Variants in CSMD3 observed in about 807,000 individuals in gnomAD.
CSMD3 encodes CUB and Sushi multiple domains 3.
Under a neutral mutation model 435.2 loss-of-function variants are expected in CSMD3, and 177 were observed. The observed-to-expected ratio is 0.41, with a 90% CI of 0.36 to 0.46. CSMD3 has a LOEUF of 0.46. Ranked by LOEUF, CSMD3 falls within the 20% of genes least tolerant of loss-of-function variation. The pLI, the probability that CSMD3 is intolerant of heterozygous loss-of-function variation, is 0.34. For synonymous variants in CSMD3, 1,656 were observed against 1,520.5 expected (o/e 1.09, Z -2.07); for missense variants, 4,265 against 4,504.6 (o/e 0.95, Z 1.52).
chr8:112,776,171 A>G (rs1286984646), intron 13 of CSMD3, among the ~76,000 whole-genome samples: 4 of 151,826 alleles, frequency 2.6e-5, no homozygotes, highest in Non-Finnish European at 5.9e-5. Context: ...GGGAAACATA[A>G]CAGCCGTATC....
At chr8:112,837,930 CA>C (rs2080075434) in intron 11 of CSMD3, among the ~76,000 whole-genome samples, 1 of 151,782 alleles carries the variant, frequency 6.6e-6, no homozygotes, top group African/African-American at 2.4e-5. Flanking sequence ...CCACGTTACA[CA>C]ATCAACTTGA....
chr8:112,287,452 T>C (rs1819319177), intron 57 of CSMD3, among the ~76,000 whole-genome samples: 1 of 152,080 alleles, frequency 6.6e-6, no homozygotes, highest in Non-Finnish European at 1.5e-5. Context: ...GAGTACAGTG[T>C]TACTTTTTTA....
intron 3 of CSMD3, among the ~76,000 whole-genome samples, chr8:113,213,346 G>T (rs1308291724): frequency 2.0e-5 from 3 of 152,048 alleles, no homozygotes; most frequent in African/African-American, 7.2e-5. Flanking sequence ...AGTGTAATTT[G>T]TACCTTTACT....
intron 38 of CSMD3, among the ~76,000 whole-genome samples, chr8:112,369,945 A>G (rs1226222597): frequency 4.1e-5 from 5 of 123,396 alleles, no homozygotes; most frequent in African/African-American, 1.1e-4. Flanking sequence ...AAGAAGAAGA[A>G]GAGGGGGAGG....
At chr8:112,941,576 T>G (rs1304986460) in intron 9 of CSMD3, among the ~76,000 whole-genome samples, 1 of 151,774 alleles carries the variant, frequency 6.6e-6, no homozygotes, top group Non-Finnish European at 1.5e-5. Flanking sequence ...TTGAAATATC[T>G]CTTTTATCCC....
At chr8:113,055,183 C>G (rs1454320139) in intron 5 of CSMD3, among the ~76,000 whole-genome samples, 1 of 152,172 alleles carries the variant, frequency 6.6e-6, no homozygotes, top group Admixed American at 6.5e-5. Context: ...AAAAGTCTCA[C>G]TCTGTCGCCC....
chr8:113,277,130 C>T (rs1035989929), intron 3 of CSMD3, among the ~76,000 whole-genome samples: 1 of 151,858 alleles, frequency 6.6e-6, no homozygotes, highest in Non-Finnish European at 1.5e-5. Context: ...TTATTAAGAG[C>T]GCTTAGCACA....
intron 10 of CSMD3, among the ~76,000 whole-genome samples, chr8:112,892,279 C>T (rs563084131): frequency 1.3e-5 from 2 of 150,928 alleles, no homozygotes; most frequent in South Asian, 4.2e-4. Context: ...AAAATTGTTC[C>T]TTTTTTTTCA....
At chr8:112,897,684 CTCTCTCTCTCTGTGTGTGTG>C (rs2081987827) in intron 10 of CSMD3, among the ~76,000 whole-genome samples, 3 of 87,658 alleles carry the variant, frequency 3.4e-5, no homozygotes, top group African/African-American at 1.2e-4. Flanking sequence ...CTCTCTCTCT[CTCTCTCTCTCTGTGTGTGTG>C]TGTGTGTGTG....
At position 112,974,369 on chromosome 8, in the gene CSMD3, T is replaced by C. The variant is rs183729343; in HGVS notation, c.1342+1468A>G. Among the ~76,000 whole-genome samples the C allele has an allele frequency of 6.6e-3, 1,006 of 152,040 alleles. 10 individuals are homozygous for C. The highest frequency in any genetic ancestry group is 0.023 in the African/African-American group (964 of 41,544). ...ATTGTATTATTAGTTGGTTTTACAA[T>C]AAACTTATGTCAGAAATTATCCTCC... is the stretch of plus-strand genomic sequence containing the variant. On this transcript the variant is annotated intron_variant, in intron 7 of 70. Coordinates refer to ENST00000297405, the MANE Select transcript of CSMD3 (RefSeq NM_198123.2).
At chr8:112,652,307 AG>A (rs565272831) in intron 18 of CSMD3, among the ~76,000 whole-genome samples, 27 of 152,224 alleles carry the variant, frequency 1.8e-4, no homozygotes, top group Admixed American at 3.3e-4. Flanking sequence ...TTAACAGAAA[AG>A]TTTAGACCCC....
chr8:113,278,852 T>C, intron 2 of CSMD3, 148 bp from the exon 3 acceptor site: 2 of 603,582 alleles, frequency 3.3e-6, no homozygotes, highest in South Asian at 3.5e-5. Context: ...ACACCTTGAT[T>C]TCAGCCCAGT....
At chr8:112,679,791 G>T (rs767802260) in intron 16 of CSMD3, among the ~76,000 whole-genome samples, 2 of 152,134 alleles carry the variant, frequency 1.3e-5, no homozygotes, top group East Asian at 3.9e-4. Flanking sequence ...AGTGGTCTCT[G>T]TATGTGTCGA....
chr8:113,223,722 G>A (rs2092995458), intron 3 of CSMD3, among the ~76,000 whole-genome samples: 1 of 146,718 alleles, frequency 6.8e-6, no homozygotes, highest in African/African-American at 2.5e-5. Context: ...ACTTTTTAAG[G>A]CAAAATCCTA....
chr8:112,518,623 T>TGA (rs1823937114), intron 27 of CSMD3, among the ~76,000 whole-genome samples: 1 of 130,560 alleles, frequency 7.7e-6, no homozygotes, highest in African/African-American at 2.6e-5. Flanking sequence ...TGTGTGTGTG[T>TGA]GTGTGTGAGA....
At chr8:112,463,098 C>T (rs1817617339) in intron 32 of CSMD3, among the ~76,000 whole-genome samples, 1 of 152,202 alleles carries the variant, frequency 6.6e-6, no homozygotes, top group Non-Finnish European at 1.5e-5. Flanking sequence ...TGGCTCCCAC[C>T]TGTAATCCCA....
intron 32 of CSMD3, among the ~76,000 whole-genome samples, chr8:112,453,942 A>C (rs1816559137): frequency 6.6e-6 from 1 of 152,058 alleles, no homozygotes. Flanking sequence ...AGAATAGAAA[A>C]CCCAGAAATA....
At chr8:112,357,843 G>A (rs1210513432) in intron 38 of CSMD3, among the ~76,000 whole-genome samples, 1 of 152,208 alleles carries the variant, frequency 6.6e-6, no homozygotes, top group Non-Finnish European at 1.5e-5. Context: ...ACATCTGATA[G>A]GGTAGTGTGG....
At chr8:113,376,536 T>A in intron 1 of CSMD3, 1 of 575,810 alleles carries the variant, frequency 1.7e-6, no homozygotes, top group Non-Finnish European at 3.0e-6. Context: ...CTGTCTTTTC[T>A]GTATTATTTA....
Sources: allele counts gnomAD v4.1 joint callset (sites outside exome capture counted in the v4.1 genomes callset), GRCh38; gene constraint gnomAD v4.1.1; transcripts MANE v1.5; gene names NCBI Gene and HGNC (gene_info 2026-07-23, HGNC 2026-07-21).